Variants in CCDC192 observed in about 807,000 individuals in gnomAD.
CCDC192 encodes the protein coiled-coil domain-containing protein 192.
chr5:127,919,967 G>C (rs1232372064), intron 6 of CCDC192, among the ~76,000 whole-genome samples: 1 of 152,204 alleles, frequency 6.6e-6, no homozygotes, highest in Non-Finnish European at 1.5e-5. Context: ...GTTACTTTCT[G>C]TGGCACATCA....
chr5:127,789,964 C>T (rs1212286754), intron 3 of CCDC192, among the ~76,000 whole-genome samples: 1 of 152,198 alleles, frequency 6.6e-6, no homozygotes, highest in Admixed American at 6.5e-5. Context: ...TAGCTTCTCT[C>T]TGACAGAACC....
intron 5 of CCDC192, among the ~76,000 whole-genome samples, chr5:127,855,510 G>T (rs533283447): frequency 1.3e-5 from 2 of 152,278 alleles, no homozygotes; most frequent in South Asian, 4.1e-4. Flanking sequence ...CCAAACTCCT[G>T]CTAATGTTGA....
In CCDC192 at chr5:127,905,420, A is replaced by G. The variant is rs183630635; in HGVS notation, c.535+29759A>G. 3.5e-4 allele frequency among the ~76,000 whole-genome samples: 54 copies of G among 152,346 alleles called. 1 individual carries two copies. The East Asian group carries it at 8.9e-3, about 25-fold the overall frequency. On this transcript the variant is annotated intron_variant, in intron 6 of 6. Transcript: ENST00000514853. ...TCCCTTTATTTGTGGTGTTTACATCATATAATGATGAATTTTAATTTAGAA... is the reference window on the plus strand; with the variant it reads ...TCCCTTTATTTGTGGTGTTTACATCGTATAATGATGAATTTTAATTTAGAA...
chr5:127,818,963 A>G (rs1749160702), intron 5 of CCDC192, among the ~76,000 whole-genome samples: 1 of 152,200 alleles, frequency 6.6e-6, no homozygotes, highest in African/African-American at 2.4e-5. Context: ...AGGAAAGGCA[A>G]CAACTCCTTA....
intron 6 of CCDC192, among the ~76,000 whole-genome samples, chr5:127,877,775 G>A (rs1308194750): frequency 6.6e-6 from 1 of 152,046 alleles, no homozygotes; most frequent in South Asian, 2.1e-4. Flanking sequence ...GGACAATGAG[G>A]GCTGGCCCAC....
At chr5:127,937,765 G>A (rs565374373) in intron 6 of CCDC192, among the ~76,000 whole-genome samples, 13 of 152,166 alleles carry the variant, frequency 8.5e-5, no homozygotes, top group Non-Finnish European at 1.6e-4. Context: ...CCGCTTCGCC[G>A]CATTTTTGCT....
chr5:127,850,690 G>A (rs1243549913), intron 5 of CCDC192, among the ~76,000 whole-genome samples: 1 of 152,188 alleles, frequency 6.6e-6, no homozygotes, highest in Non-Finnish European at 1.5e-5. Context: ...AGAGGGCCAG[G>A]TGCGGTGGCT....
chr5:127,813,969 A>G (rs2127005403), intron 5 of CCDC192, among the ~76,000 whole-genome samples: 1 of 152,350 alleles, frequency 6.6e-6, no homozygotes, highest in South Asian at 2.1e-4. Context: ...TTAATTATTC[A>G]TTCTTCAACT....
At chr5:127,754,424 A>T (rs984953134) in intron 3 of CCDC192, 49 bp downstream of exon 3, 2 of 392,226 alleles carry the variant, frequency 5.1e-6, no homozygotes, top group Admixed American at 4.5e-5. Context: ...AGTGTGCAGC[A>T]TGGCAAGTGT....
At chr5:127,910,096 C>T (rs1258953223) in intron 6 of CCDC192, among the ~76,000 whole-genome samples, 1 of 152,196 alleles carries the variant, frequency 6.6e-6, no homozygotes, top group Admixed American at 6.5e-5. Flanking sequence ...GAATGTGTTG[C>T]AAAGAAAAGT....
chr5:127,823,695 C>A (rs955350668), intron 5 of CCDC192, among the ~76,000 whole-genome samples: 1 of 152,192 alleles, frequency 6.6e-6, no homozygotes, highest in Non-Finnish European at 1.5e-5. Context: ...GCTTCATTCC[C>A]TCTCTGACCT....
intron 5 of CCDC192, among the ~76,000 whole-genome samples, chr5:127,841,231 T>C (rs1378774120): frequency 6.6e-6 from 1 of 152,164 alleles, no homozygotes. Flanking sequence ...TTTTAGCTTA[T>C]GGTGAATTTT....
chr5:127,714,654 G>A (rs1751521850), intron 2 of CCDC192, among the ~76,000 whole-genome samples: 1 of 152,198 alleles, frequency 6.6e-6, no homozygotes, highest in African/African-American at 2.4e-5. Context: ...ATAGGCATGA[G>A]CCACTACGCC....
At chr5:127,761,009 G>A (rs540095980) in intron 3 of CCDC192, among the ~76,000 whole-genome samples, 2 of 152,222 alleles carry the variant, frequency 1.3e-5, no homozygotes, top group East Asian at 3.9e-4. Flanking sequence ...AGGCAAAAAC[G>A]CAAAAGAAAC....
At chr5:127,747,513 G>A (rs1280457918) in intron 2 of CCDC192, among the ~76,000 whole-genome samples, 3 of 152,048 alleles carry the variant, frequency 2.0e-5, no homozygotes, top group East Asian at 3.8e-4. Context: ...TCATTGTTGG[G>A]CATTTGGGTT....
intron 2 of CCDC192, among the ~76,000 whole-genome samples, chr5:127,709,074 T>A (rs539130592): frequency 1.7e-3 from 225 of 135,360 alleles, no homozygotes; most frequent in Non-Finnish European, 2.8e-3. Flanking sequence ...CGGAAAGGGG[T>A]GGCGAGGCAT....
At chr5:127,721,664 C>A (rs1752027828) in intron 2 of CCDC192, among the ~76,000 whole-genome samples, 1 of 152,186 alleles carries the variant, frequency 6.6e-6, no homozygotes, top group South Asian at 2.1e-4. Flanking sequence ...TTAGTCCATT[C>A]TCAAATTGCT....
intron 6 of CCDC192, among the ~76,000 whole-genome samples, chr5:127,914,456 A>C (rs61140524): frequency 6.6e-6 from 1 of 152,168 alleles, no homozygotes; most frequent in Non-Finnish European, 1.5e-5. Context: ...GCCTCCCATC[A>C]GTTCATATCA....
intron 6 of CCDC192, among the ~76,000 whole-genome samples, chr5:127,919,074 TGTGTGTGTGTGTG>T (rs1753628949): frequency 1.7e-5 from 1 of 60,026 alleles, no homozygotes; most frequent in African/African-American, 1.5e-4. Context: ...TGTGTATATA[TGTGTGTGTGTGTG>T]TGTGTGTGTG....
Sources: allele counts gnomAD v4.1 joint callset (sites outside exome capture counted in the v4.1 genomes callset), GRCh38; gene constraint gnomAD v4.1.1; transcripts MANE v1.5; gene names NCBI Gene and HGNC (gene_info 2026-07-23, HGNC 2026-07-21).